The following RFPL2 variants were observed in gnomAD, a reference collection of about 807,000 sequenced individuals.
RFPL2 encodes the protein ret finger protein-like 2.
Under a neutral mutation model 17.8 loss-of-function variants are expected in RFPL2, and 13 were observed. The ratio of observed to expected loss-of-function variants is 0.73; its 90% CI spans 0.47 to 1.16. The LOEUF (loss-of-function observed/expected upper bound fraction) is 1.16, where lower values mean the gene tolerates loss of function less well. Ranked by LOEUF, RFPL2 falls within the 50% of genes most tolerant of loss-of-function variation. The pLI is 0.00. For missense variants in RFPL2, 431 were observed against 479.3 expected (o/e 0.90, Z 0.94); for synonymous variants, 189 against 180.9 (o/e 1.04, Z -0.36).
Position 32,202,340 on chromosome 22 carries a change from T to A in RFPL2, c.112A>T (p.Ser38Cys), listed in dbSNP as rs746211576. The A allele has an allele frequency of 6.3e-7, 1 of 1,598,390 alleles. No homozygotes were observed. Residue 38 changes from serine to cysteine, a missense_variant, in exon 2 of 5, where the codon AGC becomes TGC. By Grantham distance (112) the Ser-to-Cys change is moderately radical. Transcript: ENST00000652607. ...WDFADMMVIR[S>C]LSLIRLEGVE... ...CCCAGAATTGTCTCTCACCTCAGGC[T>A]CCTTATCACCATCATGTCTGCAAAG...
At position 32,193,812 on chromosome 22, in the gene RFPL2, G is replaced by A. The variant is rs141522174; in HGVS notation, c.265+533C>T. On this transcript the variant is annotated intron_variant, in intron 3 of 4. Coordinates refer to ENST00000652607, the MANE Select transcript of RFPL2 (RefSeq NM_001394555.1). ...TGGGAGGCAGAGGTTGCAGTGAGCC[G>A]AGATCCTGCCATTGCACTCTGGCCT... 7.5e-3 allele frequency among the ~76,000 whole-genome samples: 1,093 copies of A among 145,814 alleles called. 8 individuals are homozygous for A. Among genetic ancestry groups the A allele is most frequent in the Admixed American group, 0.012 (173 of 14,320 alleles).
intron 1 of RFPL2, among the ~76,000 whole-genome samples, 85 bp downstream of exon 1, chr22:32,204,622 T>C (rs1924345034): frequency 6.6e-6 from 1 of 152,188 alleles, no homozygotes; most frequent in South Asian, 2.1e-4. Flanking sequence ...CTAGTCTCCC[T>C]CACCGCCACC....
In RFPL2 at chr22:32,196,835, G is replaced by A. The variant is rs565574882; in HGVS notation, c.120-2345C>T. On this transcript the variant is annotated intron_variant, in intron 2 of 4. Transcript: ENST00000652607. ...CACAGAGAGCCAGCAAAAGCCACTC[G>A]GACAGGTGTGGGAGGGACACGGAGC... 7.2e-5 allele frequency among the ~76,000 whole-genome samples: 11 copies of A among 152,314 alleles called. No individual in the cohort carries two copies. The East Asian group carries it at 7.7e-4, about 11-fold the overall frequency.
Position 32,194,452 on chromosome 22 carries a change from A to T in RFPL2, c.158T>A (p.Val53Glu), listed in dbSNP as rs924601587. The T allele has an allele frequency of 1.2e-6, 2 of 1,611,594 alleles. No individual in the cohort carries two copies. The highest frequency in any genetic ancestry group is 2.7e-5 in the African/African-American group (2 of 74,746). The change falls in exon 3 of 5, where the codon GTG becomes GAG. Residue 53 changes from valine to glutamate, a missense_variant. By Grantham distance (121) the Val-to-Glu change is moderately radical (BLOSUM62 -2). Transcript: ENST00000652607. ...TTTATTGGTGAGATTCCCACCTCCC[A>T]CTGGGTCACGCCCTTCCACACCCTC... is the stretch of plus-strand genomic sequence containing the variant. ...RLEGVEGRDP[V>E]GGGNLTNKRP... is the part of the protein sequence containing the mutation.
intron 2 of RFPL2, among the ~76,000 whole-genome samples, chr22:32,197,463 T>C (rs548043333): frequency 6.6e-6 from 1 of 152,182 alleles, no homozygotes; most frequent in South Asian, 2.1e-4. Context: ...GCGCACAACA[T>C]GTAGGTTTGT....
chr22:32,197,063 A>G (rs1923408927), intron 2 of RFPL2, among the ~76,000 whole-genome samples: 1 of 152,250 alleles, frequency 6.6e-6, no homozygotes, highest in African/African-American at 2.4e-5. Flanking sequence ...TTTGTGGCTA[A>G]AAGTTTATTT....
At position 32,194,427 on chromosome 22, in the gene RFPL2, TTTA is replaced by T; in HGVS notation, c.180_182del (p.Asn60del). On this transcript the variant is annotated inframe_deletion, in exon 3 of 5. Coordinates refer to ENST00000652607, the MANE Select transcript of RFPL2 (RefSeq NM_001394555.1). ...GTGGGGAAGGGGCACACGAGGGCCT[TTTA>T]TTGGTGAGATTCCCACCTCCCACTG... is the stretch of plus-strand genomic sequence containing the variant. 1.9e-6 allele frequency: 3 copies of T among 1,611,560 alleles called. No individual in the cohort carries two copies. The highest frequency in any genetic ancestry group is 2.2e-5 in the South Asian group (2 of 90,468).
Position 32,191,333 on chromosome 22 carries a change from G to C in RFPL2, c.576C>G (p.Ala192=), listed in dbSNP as rs1922627642. 1 of 1,613,148 alleles carries C rather than the reference G, an allele frequency of 6.2e-7. No individual in the cohort carries two copies. ...TGAGGAGGAAGTTGTTGGCTGTGTTGGCATCCAAGGTCATATCCACTGTGA... is the reference window on the plus strand; with the variant it reads ...TGAGGAGGAAGTTGTTGGCTGTGTTCGCATCCAAGGTCATATCCACTGTGA... ...RKFQVDMTLD[A]NTANNFLLIS... Residue 192 remains alanine, a synonymous_variant, in exon 5 of 5, where the codon GCC becomes GCG. Coordinates refer to ENST00000652607, the MANE Select transcript of RFPL2 (RefSeq NM_001394555.1).
chr22:32,190,897 C>T lies in RFPL2; in HGVS notation c.1012G>A (p.Glu338Lys). ...VYTFRSVSAE[E>K]PLRPFLAPSV... ...GGAGCCAAAAATGGGCGCAATGGCT[C>T]CTCAGCAGATACGCTCCTGAATGTA... The change falls in exon 5 of 5, where the codon GAG (glutamate) becomes AAG (lysine). Residue 338 changes from glutamate (E) to lysine (K), a missense_variant. Glu to Lys is a moderately conservative substitution (Grantham distance 56, BLOSUM62 1). Transcript: ENST00000652607. The T allele has an allele frequency of 6.3e-7, 1 of 1,598,694 alleles. No individual in the cohort carries two copies. Among genetic ancestry groups the T allele is most frequent in the Non-Finnish European group, 8.5e-7 (1 of 1,171,830 alleles).
In RFPL2 at chr22:32,203,674, C is replaced by A. The variant is rs371000791; in HGVS notation, c.-100+1033G>T. The stretch of plus-strand genomic sequence containing the variant: ...GCCCATGGGTAGCGCCCCCAACCAG[C>A]CCCCAGCCATGGGGAGTGATGCCTC... On this transcript the variant is annotated intron_variant, in intron 1 of 4. Transcript: ENST00000652607. Among the ~76,000 whole-genome samples, 21 of 151,674 alleles carry A rather than the reference C, an allele frequency of 1.4e-4. No individual in the cohort carries two copies. The East Asian group carries it at 2.0e-3, about 14-fold the overall frequency.
At chr22:32,191,855 G>A (rs1922692065) in intron 4 of RFPL2, among the ~76,000 whole-genome samples, 1 of 152,014 alleles carries the variant, frequency 6.6e-6, no homozygotes, top group South Asian at 2.1e-4. Context: ...AGCTGACGGT[G>A]TGATGACAGA....
chr22:32,199,097 C>G (rs1923655029), intron 2 of RFPL2, among the ~76,000 whole-genome samples: 1 of 152,270 alleles, frequency 6.6e-6, no homozygotes, highest in Non-Finnish European at 1.5e-5. Context: ...GACTCCAGAT[C>G]CAGTCTAGGA....
In RFPL2 at chr22:32,191,215, C is replaced by G. The variant is rs1922599028; in HGVS notation, c.694G>C (p.Gly232Arg). The change falls in exon 5 of 5, where the codon GGC becomes CGC. Residue 232 changes from glycine to arginine, a missense_variant. Gly to Arg is a moderately radical substitution (Grantham distance 125). Transcript: ENST00000652607. ...ERFDVSVCILGSPRFTCGRHC... is the reference protein window; with the variant it reads ...ERFDVSVCILRSPRFTCGRHC... ...CGGCCACAGGTAAAGCGAGGGGAGC[C>G]CAGGATGCAAACGGACACGTCAAAT... is the stretch of plus-strand genomic sequence containing the variant. 3 of 1,613,784 alleles carry G rather than the reference C, an allele frequency of 1.9e-6. No individual in the cohort carries two copies. Among genetic ancestry groups the G allele is most frequent in the Non-Finnish European group, 2.5e-6 (3 of 1,179,878 alleles).
At chr22:32,196,746 A>G (rs1923376146) in intron 2 of RFPL2, among the ~76,000 whole-genome samples, 2 of 152,222 alleles carry the variant, frequency 1.3e-5, no homozygotes, top group African/African-American at 4.8e-5. Flanking sequence ...ACAGCAAGAT[A>G]GATTTGCAGA....
chr22:32,203,150 G>A, intron 1 of RFPL2: 1 of 935,124 alleles, frequency 1.1e-6, no homozygotes, highest in Non-Finnish European at 1.3e-6. Context: ...TCCGTGCCTA[G>A]TACATGCAGC....
chr22:32,203,190 C>A, intron 1 of RFPL2: 2 of 716,438 alleles, frequency 2.8e-6, no homozygotes, highest in Non-Finnish European at 3.4e-6. Context: ...CTGCCCCCTG[C>A]CACGGGCAGC....
At chr22:32,203,317 GC>G in intron 1 of RFPL2, 1 of 156,836 alleles carries the variant, frequency 6.4e-6, no homozygotes, top group Non-Finnish European at 1.4e-5. Flanking sequence ...CCCCAAATCA[GC>G]CCCCAGCCTC....
chr22:32,198,467 G>A (rs950455827), intron 2 of RFPL2, among the ~76,000 whole-genome samples: 5 of 151,396 alleles, frequency 3.3e-5, no homozygotes, highest in African/African-American at 4.9e-5. Flanking sequence ...CCTGAATCAC[G>A]GCTGCAAGTG....
chr22:32,198,970 A>T (rs1923643422), intron 2 of RFPL2, among the ~76,000 whole-genome samples: 1 of 152,146 alleles, frequency 6.6e-6, no homozygotes, highest in Non-Finnish European at 1.5e-5. Context: ...TGGAGAAGAG[A>T]GAATGAGAGG....
Sources: gnomAD v4.1 joint callset for allele counts (sites outside exome capture counted in the v4.1 genomes callset) on GRCh38, gnomAD v4.1.1 for gene constraint, MANE v1.5 for transcripts, NCBI Gene and HGNC (gene_info 2026-07-23, HGNC 2026-07-21) for gene names.